Variants in SYT1 observed in about 807,000 individuals in gnomAD.
SYT1 encodes synaptotagmin-1.
Under a neutral mutation model 44.8 loss-of-function variants are expected in SYT1, and 8 were observed. That is an observed-to-expected ratio of 0.18 (90% CI 0.10 to 0.32). The LOEUF is 0.32. Among genes scored for constraint, SYT1 ranks in the 10% least tolerant of loss-of-function variants. The probability of loss-of-function intolerance (pLI) is 1.00; values close to 1 mark genes in which losing one functional copy is unlikely to be tolerated. For missense variants in SYT1, 286 were observed against 509.3 expected (o/e 0.56, Z 4.22); for synonymous variants, 154 against 188.8 (o/e 0.82, Z 1.51).
At chr12:79,208,862 G>T (rs1297780960) in intron 3 of SYT1, among the ~76,000 whole-genome samples, 2 of 151,838 alleles carry the variant, frequency 1.3e-5, no homozygotes, top group Non-Finnish European at 2.9e-5. Flanking sequence ...ATTTGCAAAA[G>T]CACTATGAGA....
At chr12:79,275,364 C>G (rs1424948480) in intron 4 of SYT1, among the ~76,000 whole-genome samples, 2 of 152,078 alleles carry the variant, frequency 1.3e-5, no homozygotes, top group African/African-American at 4.8e-5. Context: ...TGTGAAAACT[C>G]AGTGAGAGTG....
intron 3 of SYT1, among the ~76,000 whole-genome samples, chr12:79,200,962 T>C (rs1019979470): frequency 6.6e-6 from 1 of 152,144 alleles, no homozygotes; most frequent in Non-Finnish European, 1.5e-5. Context: ...AGTGAAATGG[T>C]AAGGAAATGT....
chr12:79,023,280 GGCTGTCATTGT>G (rs1413410732), intron 2 of SYT1, among the ~76,000 whole-genome samples: 28 of 151,944 alleles, frequency 1.8e-4, no homozygotes, highest in African/African-American at 6.3e-4. Flanking sequence ...ATTTGATTAT[GGCTGTCATTGT>G]GCTCTGAATC....
chr12:79,244,415 T>C (rs1167511326), intron 4 of SYT1, among the ~76,000 whole-genome samples: 2 of 152,134 alleles, frequency 1.3e-5, no homozygotes, highest in Non-Finnish European at 2.9e-5. Flanking sequence ...ATCATAAAGC[T>C]AAAGTGATAG....
In SYT1 at chr12:79,296,125, A is replaced by G. The variant is rs1879862516; in HGVS notation, c.531A>G (p.Thr177=). 1.2e-6 allele frequency: 2 copies of G among 1,613,984 alleles called. No homozygotes were observed. Among genetic ancestry groups the G allele is most frequent in the East Asian group, 2.2e-5 (1 of 44,888 alleles). The part of the protein sequence containing the change: ...AELPALDMGG[T]SDPYVKVFLL... Reference sequence around the variant, plus strand: ...TGCCCGCCTTGGACATGGGGGGCACATCTGATCCTTACGTGAAAGTGTTTC... The same window carrying G: ...TGCCCGCCTTGGACATGGGGGGCACGTCTGATCCTTACGTGAAAGTGTTTC... Residue 177 remains threonine, a synonymous_variant, in exon 7 of 11, where the codon ACA becomes ACG. Transcript: ENST00000261205.
At chr12:79,085,637 G>A (rs1256955175) in intron 3 of SYT1, among the ~76,000 whole-genome samples, 2 of 152,124 alleles carry the variant, frequency 1.3e-5, no homozygotes, top group Admixed American at 1.3e-4. Flanking sequence ...AGAACTGCCA[G>A]TAACCAGGAG....
At chr12:78,907,184 GA>G (rs1335273073) in intron 1 of SYT1, among the ~76,000 whole-genome samples, 7 of 149,036 alleles carry the variant, frequency 4.7e-5, no homozygotes, top group African/African-American at 4.9e-5. Flanking sequence ...TTTAAAAGAA[GA>G]AAAAAAAAGA....
intron 1 of SYT1, among the ~76,000 whole-genome samples, chr12:78,951,172 T>A (rs1000615337): frequency 6.6e-6 from 1 of 152,186 alleles, no homozygotes; most frequent in Non-Finnish European, 1.5e-5. Flanking sequence ...ATTGCTTTCA[T>A]AATAAATCCT....
chr12:79,426,378 A>C (rs1869449369), intron 9 of SYT1, among the ~76,000 whole-genome samples: 1 of 152,088 alleles, frequency 6.6e-6, no homozygotes, highest in Admixed American at 6.5e-5. Context: ...AACCTTATTC[A>C]TACCACAGGC....
At chr12:79,046,667 A>G (rs1874085315) in intron 2 of SYT1, among the ~76,000 whole-genome samples, 1 of 152,198 alleles carries the variant, frequency 6.6e-6, no homozygotes, top group South Asian at 2.1e-4. Context: ...CTTGTAATAT[A>G]TACATATTTA....
intron 1 of SYT1, among the ~76,000 whole-genome samples, chr12:78,904,467 A>G (rs1262334347): frequency 6.6e-6 from 1 of 152,184 alleles, no homozygotes; most frequent in Admixed American, 6.5e-5. Flanking sequence ...ATAAAACATC[A>G]TAACCTCTAT....
chr12:79,263,058 G>C (rs1321549797), intron 4 of SYT1, among the ~76,000 whole-genome samples: 1 of 152,192 alleles, frequency 6.6e-6, no homozygotes, highest in Non-Finnish European at 1.5e-5. Context: ...CCTCTGCAAT[G>C]TCCAGAATGC....
intron 3 of SYT1, among the ~76,000 whole-genome samples, chr12:79,101,186 C>T (rs989188133): frequency 6.6e-6 from 1 of 152,148 alleles, no homozygotes; most frequent in Non-Finnish European, 1.5e-5. Context: ...TCACAAGCAT[C>T]ATTCACAAGC....
At chr12:79,409,453 A>G (rs1868340387) in intron 9 of SYT1, among the ~76,000 whole-genome samples, 1 of 152,094 alleles carries the variant, frequency 6.6e-6, no homozygotes, top group Admixed American at 6.6e-5. Flanking sequence ...AAAATTTTTG[A>G]TATCGTTAAT....
At chr12:79,422,488 G>C (rs2136158983) in intron 9 of SYT1, among the ~76,000 whole-genome samples, 1 of 151,156 alleles carries the variant, frequency 6.6e-6, no homozygotes, top group South Asian at 2.1e-4. Flanking sequence ...GTGACTTATT[G>C]ACTCAATTTC....
chr12:79,075,971 A>T (rs1448241474), intron 3 of SYT1, among the ~76,000 whole-genome samples: 4 of 152,182 alleles, frequency 2.6e-5, no homozygotes, highest in African/African-American at 9.7e-5. Flanking sequence ...AGGCCTTTAT[A>T]ACAAAAGTCA....
chr12:79,401,531 A>G (rs1325544398), intron 9 of SYT1, among the ~76,000 whole-genome samples: 1 of 152,228 alleles, frequency 6.6e-6, no homozygotes, highest in Non-Finnish European at 1.5e-5. Flanking sequence ...GAACAAATGT[A>G]TTTTATGAGT....
intron 4 of SYT1, among the ~76,000 whole-genome samples, chr12:79,284,208 C>T (rs990550361): frequency 6.6e-6 from 1 of 151,774 alleles, no homozygotes; most frequent in African/African-American, 2.4e-5. Flanking sequence ...TAAATGTTTC[C>T]ATGTCACCTT....
chr12:79,021,884 T>C (rs1018983030), intron 2 of SYT1, among the ~76,000 whole-genome samples: 2 of 151,892 alleles, frequency 1.3e-5, no homozygotes, highest in Non-Finnish European at 2.9e-5. Context: ...AATTATTTTT[T>C]ATATTTGTAC....
Sources: gnomAD v4.1 joint callset for allele counts (sites outside exome capture counted in the v4.1 genomes callset) on GRCh38, gnomAD v4.1.1 for gene constraint, MANE v1.5 for transcripts, NCBI Gene and HGNC (gene_info 2026-07-23, HGNC 2026-07-21) for gene names.